SUGCT: variants seen among roughly 807,000 people sequenced by gnomAD.
The protein encoded by SUGCT is succinyl-CoA:glutarate-CoA transferase, also known as succinyl-CoA:glutarate CoA-transferase.
Under a neutral mutation model 55.0 loss-of-function variants are expected in SUGCT, and 41 were observed. The ratio of observed to expected loss-of-function variants is 0.74; its 90% CI spans 0.58 to 0.97. SUGCT has a LOEUF of 0.97. Among genes scored for constraint, SUGCT ranks in the 50% least tolerant of loss-of-function variants. The probability of loss-of-function intolerance (pLI) is 0.00; values close to 1 mark genes in which losing one functional copy is unlikely to be tolerated. For missense variants in SUGCT, 568 were observed against 547.8 expected, an observed-to-expected ratio of 1.04 and a Z score of -0.37; for synonymous variants, 187 against 200.4, an observed-to-expected ratio of 0.93 and a Z score of 0.56.
At chr7:40,139,160 A>C (rs554110058) in intron 1 of SUGCT, among the ~76,000 whole-genome samples, 3,525 of 150,870 alleles carry the variant, frequency 0.023, 151 homozygotes, top group African/African-American at 0.08. Flanking sequence ...ATAAATAAAT[A>C]AATAAATAAA....
downstream of SUGCT, among the ~76,000 whole-genome samples, chr7:40,861,022 C>T (rs1006944459): frequency 6.6e-6 from 1 of 152,174 alleles, no homozygotes; most frequent in African/African-American, 2.4e-5. Flanking sequence ...CTAATTTAAA[C>T]CATAGACTTT....
At chr7:41,028,344 C>T in the SUGCT span, among the ~76,000 whole-genome samples, 1 of 152,232 alleles carries the variant, frequency 6.6e-6, no homozygotes, top group African/African-American at 2.4e-5. Context: ...TTCTGTCTAA[C>T]ACTAAATAAT....
the SUGCT span, among the ~76,000 whole-genome samples, chr7:40,929,888 G>C: frequency 6.6e-6 from 1 of 152,064 alleles, no homozygotes; most frequent in Non-Finnish European, 1.5e-5. Flanking sequence ...CACTCTGATG[G>C]TAGTTTCTTT....
intron 13 of SUGCT, among the ~76,000 whole-genome samples, chr7:40,795,129 T>A (rs760374053): frequency 6.6e-6 from 1 of 152,084 alleles, no homozygotes; most frequent in Non-Finnish European, 1.5e-5. Flanking sequence ...AATTGCATGA[T>A]GTATAATACA....
rs139343639 is a variant in SUGCT, at chr7:40,228,124, C to T, written c.485-9511C>T. 3.0e-4 allele frequency among the ~76,000 whole-genome samples: 46 copies of T among 152,174 alleles called. 2 individuals are homozygous for T. In the East Asian group the frequency reaches 8.7e-3, roughly 29 times the overall value. On this transcript the variant is annotated intron_variant, in intron 6 of 13. Transcript: ENST00000335693. ...TTGGAAGTCCTGACCTCAAGTGATCCATCCCGCCTCCACCTCCCAAGGTGC... is the reference window on the plus strand; with the variant it reads ...TTGGAAGTCCTGACCTCAAGTGATCTATCCCGCCTCCACCTCCCAAGGTGC...
the SUGCT span, among the ~76,000 whole-genome samples, chr7:40,891,726 T>C: frequency 2.0e-5 from 3 of 152,132 alleles, no homozygotes; most frequent in Middle Eastern, 3.4e-3. Context: ...AATATAAAAT[T>C]AGTCCAAGTG....
chr7:40,774,961 T>A (rs1789378065), intron 13 of SUGCT, among the ~76,000 whole-genome samples: 1 of 152,214 alleles, frequency 6.6e-6, no homozygotes, highest in Non-Finnish European at 1.5e-5. Flanking sequence ...AACCTCTAAA[T>A]GAGACTGCAA....
chr7:40,375,106 G>C (rs1422625219), intron 9 of SUGCT, among the ~76,000 whole-genome samples: 1 of 152,172 alleles, frequency 6.6e-6, no homozygotes. Flanking sequence ...AGTACAGACA[G>C]CGTCACAAAG....
intron 12 of SUGCT, among the ~76,000 whole-genome samples, chr7:40,502,254 A>G (rs570313202): frequency 7.9e-5 from 12 of 152,212 alleles, no homozygotes; most frequent in African/African-American, 2.9e-4. Context: ...ACAATCATTG[A>G]CTTTTACTAA....
chr7:40,916,205 C>T, the SUGCT span, among the ~76,000 whole-genome samples: 1 of 152,128 alleles, frequency 6.6e-6, no homozygotes, highest in East Asian at 1.9e-4. Context: ...CCTGTTTCTT[C>T]TTCTTTCAGT....
the SUGCT span, among the ~76,000 whole-genome samples, chr7:40,868,961 A>G: frequency 6.6e-6 from 1 of 152,380 alleles, no homozygotes; most frequent in African/African-American, 2.4e-5. Flanking sequence ...AGTTTCTACT[A>G]ATGTTAACAT....
chr7:40,593,495 C>T (rs1230218240), intron 12 of SUGCT, among the ~76,000 whole-genome samples: 3 of 152,152 alleles, frequency 2.0e-5, no homozygotes, highest in Non-Finnish European at 4.4e-5. Flanking sequence ...AGTTTGAGAA[C>T]ACTCTAATAA....
At chr7:40,139,176 A>AAATC (rs1202368164) in intron 1 of SUGCT, among the ~76,000 whole-genome samples, 34 of 133,068 alleles carry the variant, frequency 2.6e-4, no homozygotes, top group African/African-American at 5.7e-4. Flanking sequence ...ATAAATAAAT[A>AAATC]AATCCAGGAT....
At chr7:40,343,893 T>A (rs1204372829) in intron 9 of SUGCT, among the ~76,000 whole-genome samples, 1 of 152,232 alleles carries the variant, frequency 6.6e-6, no homozygotes, top group African/African-American at 2.4e-5. Context: ...CCTGACCTCG[T>A]GATCTGCCCG....
chr7:40,506,571 T>C (rs1363585048), intron 12 of SUGCT, among the ~76,000 whole-genome samples: 1 of 152,186 alleles, frequency 6.6e-6, no homozygotes, highest in Non-Finnish European at 1.5e-5. Flanking sequence ...TTGAGGTTCT[T>C]GGATGTTTTT....
chr7:40,143,518 T>G (rs1275487048), intron 1 of SUGCT, among the ~76,000 whole-genome samples: 1 of 152,206 alleles, frequency 6.6e-6, no homozygotes, highest in African/African-American at 2.4e-5. Context: ...ATGACCACCC[T>G]AGTGGAAAGG....
chr7:40,465,779 G>A (rs568189800), intron 11 of SUGCT, among the ~76,000 whole-genome samples: 2 of 152,212 alleles, frequency 1.3e-5, no homozygotes, highest in South Asian at 2.1e-4. Flanking sequence ...TATACTGAAT[G>A]TCAATGTAAA....
At chr7:40,891,331 G>A in the SUGCT span, among the ~76,000 whole-genome samples, 844 of 151,986 alleles carry the variant, frequency 5.6e-3, 4 homozygotes, top group Middle Eastern at 0.017. Context: ...TAGGTTAAAC[G>A]TAAGGAGATC....
rs566370462 is a variant in SUGCT at position 40,199,909 on chromosome 7, CA to C, written c.484+4853del. Among the ~76,000 whole-genome samples the C allele has an allele frequency of 2.2e-3, 339 of 151,042 alleles. 4 individuals are homozygous for C. The highest frequency in any genetic ancestry group is 2.2e-3 in the Non-Finnish European group (152 of 67,886). Reference sequence around the variant, plus strand: ...AGCATTACATAGAGTTAAAATCATACAAAATATATGTGTTTAAAATATGAAG... The same window carrying C: ...AGCATTACATAGAGTTAAAATCATACAAATATATGTGTTTAAAATATGAAG... On this transcript the variant is annotated intron_variant, in intron 6 of 13. Coordinates refer to ENST00000335693, the MANE Select transcript of SUGCT (RefSeq NM_001193313.2).
Sources: gnomAD v4.1 joint callset for allele counts (sites outside exome capture counted in the v4.1 genomes callset) on GRCh38, gnomAD v4.1.1 for gene constraint, MANE v1.5 for transcripts, NCBI Gene and HGNC (gene_info 2026-07-23, HGNC 2026-07-21) for gene names.